The following MTA3 variants were observed in gnomAD, a reference collection of about 807,000 sequenced individuals.
The protein encoded by MTA3 is metastasis-associated protein MTA3.
Under a neutral mutation model 83.5 loss-of-function variants are expected in MTA3, and 34 were observed. That is an observed-to-expected ratio of 0.41 (90% CI 0.31 to 0.54). MTA3 has a LOEUF of 0.54. Ranked by LOEUF, MTA3 falls within the 20% of genes least tolerant of loss-of-function variation. MTA3 has a pLI of 0.33. For synonymous variants in MTA3, 303 were observed against 252.7 expected (o/e 1.20, Z -1.89); for missense variants, 761 against 726.4 (o/e 1.05, Z -0.55).
At chr2:42,601,912 T>C (rs1682624876) in intron 3 of MTA3, among the ~76,000 whole-genome samples, 2 of 152,118 alleles carry the variant, frequency 1.3e-5, no homozygotes. Flanking sequence ...TGATCTTGGC[T>C]CACTGCAACC....
chr2:42,512,141 TTTTTTG>T (rs1005987911), intron 2 of MTA3, among the ~76,000 whole-genome samples: 3 of 151,726 alleles, frequency 2.0e-5, no homozygotes, highest in Non-Finnish European at 2.9e-5. Flanking sequence ...TTTTCCTTTT[TTTTTTG>T]TTTTTGTTTT....
chr2:42,644,383 A>T (rs1206447010), intron 6 of MTA3, 139 bp downstream of exon 6: 2 of 537,556 alleles, frequency 3.7e-6, no homozygotes, highest in Non-Finnish European at 6.5e-6. Context: ...TGTTCTTTGT[A>T]AAAAATAAAA....
At chr2:42,638,173 C>T (rs899155305) in intron 4 of MTA3, among the ~76,000 whole-genome samples, 1 of 151,636 alleles carries the variant, frequency 6.6e-6, no homozygotes, top group South Asian at 2.1e-4. Flanking sequence ...GATTGAGTAT[C>T]AAATGTTAGA....
intron 2 of MTA3, among the ~76,000 whole-genome samples, chr2:42,555,769 A>AAAAG (rs969250209): frequency 1.3e-5 from 2 of 151,460 alleles, no homozygotes; most frequent in Non-Finnish European, 1.5e-5. Flanking sequence ...CTCCGTCTCA[A>AAAAG]AAAGAAAGAA....
chr2:42,704,727 A>G (rs1014398555), intron 12 of MTA3, among the ~76,000 whole-genome samples: 3 of 152,154 alleles, frequency 2.0e-5, no homozygotes, highest in African/African-American at 7.2e-5. Flanking sequence ...CTGTGTGGAT[A>G]AGCTGCTGTA....
intron 16 of MTA3, among the ~76,000 whole-genome samples, chr2:42,725,117 C>T (rs1185767982): frequency 6.6e-6 from 1 of 152,374 alleles, no homozygotes; most frequent in East Asian, 1.9e-4. Context: ...AACTCCTTTA[C>T]TGAGTTCTCT....
chr2:42,672,593 C>A (rs1305896890), intron 8 of MTA3, among the ~76,000 whole-genome samples: 1 of 126,750 alleles, frequency 7.9e-6, no homozygotes, highest in Non-Finnish European at 1.6e-5. Flanking sequence ...TGCGGTGAGC[C>A]GAGATCGTGC....
chr2:42,546,741 T>C (rs960420421), intron 2 of MTA3, among the ~76,000 whole-genome samples: 1 of 152,194 alleles, frequency 6.6e-6, no homozygotes, highest in Non-Finnish European at 1.5e-5. Flanking sequence ...CTTACGCATG[T>C]TGCAAGACTG....
intron 2 of MTA3, among the ~76,000 whole-genome samples, chr2:42,505,369 G>C (rs986956171): frequency 5.9e-5 from 9 of 152,082 alleles, no homozygotes; most frequent in African/African-American, 2.2e-4. Context: ...TCCAGCCTAG[G>C]TGACAGAGTG....
chr2:42,665,608 C>T (rs1690168152), intron 8 of MTA3, among the ~76,000 whole-genome samples: 1 of 152,152 alleles, frequency 6.6e-6, no homozygotes, highest in Admixed American at 6.5e-5. Flanking sequence ...AACAGAATGT[C>T]ATGAGCATTG....
chr2:42,641,238 A>T (rs1378837007), intron 5 of MTA3, among the ~76,000 whole-genome samples: 4 of 143,406 alleles, frequency 2.8e-5, no homozygotes, highest in African/African-American at 5.2e-5. Context: ...TAAATCTTAT[A>T]CTCAAGTGTT....
intron 2 of MTA3, among the ~76,000 whole-genome samples, chr2:42,507,145 C>G (rs1674670751): frequency 6.6e-6 from 1 of 152,066 alleles, no homozygotes; most frequent in South Asian, 2.1e-4. Context: ...AAGCAATCTT[C>G]CCACCTCGGC....
At chr2:42,494,221 A>T (rs901279669), upstream of MTA3, 1 of 151,830 alleles carries the variant, frequency 6.6e-6, no homozygotes, top group Admixed American at 6.6e-5. Flanking sequence ...TCCGGCCCGT[A>T]GTGGCGGGGA....
chr2:42,557,629 C>A (rs575066909), intron 2 of MTA3, among the ~76,000 whole-genome samples: 7 of 152,222 alleles, frequency 4.6e-5, no homozygotes, highest in Admixed American at 2.6e-4. Context: ...AATACTCATG[C>A]TTTTTTCCTC....
At chr2:42,709,913 G>A (rs1274078637) in intron 14 of MTA3, among the ~76,000 whole-genome samples, 2 of 152,052 alleles carry the variant, frequency 1.3e-5, no homozygotes, top group African/African-American at 4.8e-5. Context: ...GATCATATGT[G>A]TCCATGAATT....
intron 8 of MTA3, among the ~76,000 whole-genome samples, chr2:42,673,393 G>GT (rs2104413335): frequency 6.6e-6 from 1 of 152,186 alleles, no homozygotes; most frequent in South Asian, 2.1e-4. Context: ...GCTTTGTTTT[G>GT]TTTTTTACAA....
chr2:42,547,943 C>G (rs763292956), intron 2 of MTA3, among the ~76,000 whole-genome samples: 1 of 152,152 alleles, frequency 6.6e-6, no homozygotes, highest in Admixed American at 6.6e-5. Context: ...TGCAGTTCGT[C>G]CACGAGGACT....
At chr2:42,509,191 C>T (rs1408927973) in intron 2 of MTA3, among the ~76,000 whole-genome samples, 1 of 151,870 alleles carries the variant, frequency 6.6e-6, no homozygotes, top group East Asian at 1.9e-4. Flanking sequence ...TACAGGTGTC[C>T]ACCACCATGC....
intron 2 of MTA3, among the ~76,000 whole-genome samples, chr2:42,513,636 A>G (rs180702579): frequency 1.8e-3 from 279 of 152,284 alleles, no homozygotes; most frequent in African/African-American, 6.5e-3. Context: ...GACAGAGAAA[A>G]GGGTAGAACT....
Sources: allele counts gnomAD v4.1 joint callset (sites outside exome capture counted in the v4.1 genomes callset), GRCh38; gene constraint gnomAD v4.1.1; transcripts MANE v1.5; gene names NCBI Gene and HGNC (gene_info 2026-07-23, HGNC 2026-07-21).